The following ARHGEF10 variants were observed in gnomAD, a reference collection of about 807,000 sequenced individuals.
ARHGEF10 encodes Rho guanine nucleotide exchange factor (GEF) 10.
ARHGEF10 carries 140 observed loss-of-function variants against 147.4 expected under a neutral mutation model. That is an observed-to-expected ratio of 0.95 (90% confidence interval 0.83 to 1.09). The LOEUF (loss-of-function observed/expected upper bound fraction) is 1.09, where lower values mean the gene tolerates loss of function less well. Among genes scored for constraint, ARHGEF10 ranks in the 50% least tolerant of loss-of-function variants. The probability of loss-of-function intolerance (pLI) is 0.00; values close to 1 mark genes in which losing one functional copy is unlikely to be tolerated. For synonymous variants in ARHGEF10, 902 were observed against 695.8 expected (o/e 1.30, Z -4.67); for missense variants, 2,222 against 1,752.7 (o/e 1.27, Z -4.78).
At chr8:1,842,227 CT>C (rs566096479) in intron 1 of ARHGEF10, among the ~76,000 whole-genome samples, 82 of 152,044 alleles carry the variant, frequency 5.4e-4, no homozygotes, top group Non-Finnish European at 9.6e-4. Flanking sequence ...GGGCACTGGG[CT>C]GGGAATACAG....
At chr8:1,834,284 G>C (rs547727655) in intron 1 of ARHGEF10, among the ~76,000 whole-genome samples, 5 of 152,348 alleles carry the variant, frequency 3.3e-5, no homozygotes, top group East Asian at 1.9e-4. Context: ...TTGCGAGACT[G>C]AATGCATTTG....
intron 18 of ARHGEF10, among the ~76,000 whole-genome samples, chr8:1,911,848 G>A (rs1811382201): frequency 6.6e-6 from 1 of 152,198 alleles, no homozygotes; most frequent in African/African-American, 2.4e-5. Context: ...GGGGCTGCCT[G>A]TAATACCTCC....
chr8:1,835,240 G>A (rs1465875835), intron 1 of ARHGEF10, among the ~76,000 whole-genome samples: 2 of 152,188 alleles, frequency 1.3e-5, no homozygotes, highest in African/African-American at 2.4e-5. Flanking sequence ...CCCGAGTGCC[G>A]GACAGGGCTG....
chr8:1,920,676 G>A (rs11136442), intron 18 of ARHGEF10, among the ~76,000 whole-genome samples: 96,379 of 152,076 alleles, frequency 0.63, 31,357 homozygotes, highest in African/African-American at 0.79. Context: ...ATCAAAGTTT[G>A]CGAATGAAAG....
At chr8:1,850,441 T>C (rs1360398738) in intron 2 of ARHGEF10, among the ~76,000 whole-genome samples, 4 of 145,200 alleles carry the variant, frequency 2.8e-5, no homozygotes, top group Non-Finnish European at 4.5e-5. Context: ...CGGCAAATGC[T>C]GAGGAGGGTG....
At position 1,919,966 on chromosome 8, in the gene ARHGEF10, C is replaced by G. The variant is rs539222516; in HGVS notation, c.2144-2998C>G. On this transcript the variant is annotated intron_variant, in intron 18 of 28. Transcript: ENST00000349830. ...TGGAGCTGTTCTATGGGTGATGGAG[C>G]TGTTCTGTGGGTGATGAGCTGTTCT... Among the ~76,000 whole-genome samples the G allele has an allele frequency of 5.2e-3, 772 of 147,800 alleles. 34 individuals carry two copies. Among genetic ancestry groups the G allele is most frequent in the African/African-American group, 0.019 (735 of 39,156 alleles).
Position 1,903,456 on chromosome 8 carries a change from A to G in ARHGEF10, c.1821+5A>G. 1 of 1,614,050 alleles carries G rather than the reference A, an allele frequency of 6.2e-7. No individual in the cohort carries two copies. Among genetic ancestry groups the G allele is most frequent in the Non-Finnish European group, 8.5e-7 (1 of 1,180,030 alleles). On this transcript the variant is annotated splice_donor_5th_base_variant and intron_variant, in intron 16 of 28. Coordinates refer to ENST00000349830, the MANE Select transcript of ARHGEF10 (RefSeq NM_014629.4). ...AACGAAAGATACCTGAACAAGGTTG[A>G]GAGAGGTTTTCTTCAACTCTATTCC... is the stretch of plus-strand genomic sequence containing the variant.
chr8:1,861,488 T>C (rs1441199332), intron 4 of ARHGEF10, among the ~76,000 whole-genome samples: 5 of 152,222 alleles, frequency 3.3e-5, no homozygotes, highest in Non-Finnish European at 7.3e-5. Flanking sequence ...TATGCTGTCT[T>C]TCCCAGGAAC....
intron 4 of ARHGEF10, among the ~76,000 whole-genome samples, chr8:1,863,713 T>C (rs1263842505): frequency 6.6e-6 from 1 of 152,064 alleles, no homozygotes; most frequent in Non-Finnish European, 1.5e-5. Context: ...CCTTGGATGG[T>C]CTAAGTTCGT....
At chr8:1,913,127 G>A (rs1467390038) in intron 18 of ARHGEF10, among the ~76,000 whole-genome samples, 2 of 152,134 alleles carry the variant, frequency 1.3e-5, no homozygotes, top group Non-Finnish European at 2.9e-5. Flanking sequence ...GTACTAAGTA[G>A]GAGTTGTGGG....
chr8:1,918,177 G>T (rs192053086), intron 18 of ARHGEF10, among the ~76,000 whole-genome samples: 1 of 152,172 alleles, frequency 6.6e-6, no homozygotes, highest in Admixed American at 6.5e-5. Context: ...AGCACTGGCC[G>T]CACTGTGTGG....
intron 4 of ARHGEF10, among the ~76,000 whole-genome samples, chr8:1,863,707 G>C (rs13277792): frequency 2.0e-5 from 3 of 151,812 alleles, no homozygotes; most frequent in Non-Finnish European, 4.4e-5. Context: ...GGCTGTCCTT[G>C]GATGGTCTAA....
Position 1,957,574 on chromosome 8 carries a change from T to A in ARHGEF10, c.*311T>A. The A allele has an allele frequency of 4.6e-6, 2 of 439,330 alleles. No individual in the cohort carries two copies. Among genetic ancestry groups the A allele is most frequent in the South Asian group, 2.9e-5 (1 of 34,158 alleles). The allele number at this position is 439,330 out of a possible 1,614,324, so 27.2% of individuals were successfully genotyped here. A position where few individuals can be genotyped will look rare whatever the true frequency, so the allele number is the denominator to read the frequency against. On this transcript the variant is annotated 3_prime_UTR_variant, in exon 29 of 29. Transcript: ENST00000349830. ...CTGTAGTCCATATGTGAATACTAAATGTTAAACTTCATCAGCGTCAGACCT... is the reference window on the plus strand; with the variant it reads ...CTGTAGTCCATATGTGAATACTAAAAGTTAAACTTCATCAGCGTCAGACCT...
At chr8:1,826,443 T>C (rs1025788073) in intron 1 of ARHGEF10, among the ~76,000 whole-genome samples, 4 of 151,870 alleles carry the variant, frequency 2.6e-5, no homozygotes, top group African/African-American at 7.3e-5. Flanking sequence ...TGTGTGTGTG[T>C]GCGCGTGTGT....
chr8:1,866,431 ACAC>A lies in ARHGEF10; in HGVS notation c.546-94_546-92del, dbSNP rs1806618826. Reference sequence around the variant, plus strand: ...TATATATATATATTCTGACACACACACACACACACACACACACACTCTGCAGGG... The same window carrying A: ...TATATATATATATTCTGACACACACAACACACACACACACACTCTGCAGGG... On this transcript the variant is annotated intron_variant, in intron 5 of 28. Transcript: ENST00000349830. 13 of 928,708 alleles carry A rather than the reference ACAC, an allele frequency of 1.4e-5. No homozygotes were observed. In the East Asian group the frequency reaches 3.8e-4, roughly 27 times the overall value. 57.5% of individuals were successfully genotyped at this position (928,708 alleles called of 1,614,324 possible).
chr8:1,828,883 G>A lies in ARHGEF10; in HGVS notation c.-48+4770G>A, dbSNP rs1324111624. On this transcript the variant is annotated intron_variant, in intron 1 of 28. Transcript: ENST00000349830. ...TGCGCACTTACTGTTTTATTCTATCGTTTGCTTATTTTTTTTTTCTGAAAG... is the reference window on the plus strand; with the variant it reads ...TGCGCACTTACTGTTTTATTCTATCATTTGCTTATTTTTTTTTTCTGAAAG... Among the ~76,000 whole-genome samples, 4 of 137,828 alleles carry A rather than the reference G, an allele frequency of 2.9e-5. No homozygotes were observed. The East Asian group carries it at 6.1e-4, about 21-fold the overall frequency. 90.4% of individuals were successfully genotyped at this position (137,828 alleles called of 152,430 possible). A position where few individuals can be genotyped will look rare whatever the true frequency, so the allele number is the denominator to read the frequency against.
At chr8:1,826,105 A>G (rs1802753550) in intron 1 of ARHGEF10, 1 of 1,594,416 alleles carries the variant, frequency 6.3e-7, no homozygotes, top group African/African-American at 1.3e-5. Flanking sequence ...AACTCTTTAT[A>G]GACAGATGAG....
At chr8:1,861,183 C>T (rs1379935714) in intron 4 of ARHGEF10, among the ~76,000 whole-genome samples, 3 of 152,238 alleles carry the variant, frequency 2.0e-5, no homozygotes, top group Admixed American at 6.5e-5. Flanking sequence ...GAAGGAGTGG[C>T]CATGTGCTCT....
At chr8:1,923,185 C>T (rs1275018618) in intron 19 of ARHGEF10, 106 bp downstream of exon 19, 6 of 970,670 alleles carry the variant, frequency 6.2e-6, no homozygotes, top group Non-Finnish European at 9.4e-6. Flanking sequence ...TTCATTTTGA[C>T]TTTAAAAATT....
Sources: allele counts gnomAD v4.1 joint callset (sites outside exome capture counted in the v4.1 genomes callset), GRCh38; gene constraint gnomAD v4.1.1; transcripts MANE v1.5; gene names NCBI Gene and HGNC (gene_info 2026-07-23, HGNC 2026-07-21).